Variants in PDE8A observed in about 807,000 individuals in gnomAD.
The protein encoded by PDE8A is phosphodiesterase 8A.
In PDE8A, 59 loss-of-function variants were observed where a neutral mutation model predicts 105.0. That is an observed-to-expected ratio of 0.56 (90% CI 0.46 to 0.70). The LOEUF (loss-of-function observed/expected upper bound fraction) is 0.70, where lower values mean the gene tolerates loss of function less well. Ranked by LOEUF, PDE8A falls within the 30% of genes least tolerant of loss-of-function variation. PDE8A has a pLI of 0.00. For missense variants in PDE8A, 1,014 were observed against 1,045.9 expected (o/e 0.97, Z 0.42); for synonymous variants, 355 against 371.9 (o/e 0.95, Z 0.52).
intron 1 of PDE8A, among the ~76,000 whole-genome samples, chr15:85,012,412 A>G (rs970065325): frequency 6.6e-6 from 1 of 152,110 alleles, no homozygotes; most frequent in Non-Finnish European, 1.5e-5. Flanking sequence ...CCTGGATGAA[A>G]TTGGAAATCA....
intron 1 of PDE8A, among the ~76,000 whole-genome samples, chr15:85,037,191 A>G (rs1404885944): frequency 6.6e-6 from 1 of 151,148 alleles, no homozygotes; most frequent in Admixed American, 6.6e-5. Flanking sequence ...TCAGCCTCCC[A>G]AGTAGCTGGG....
At chr15:85,038,220 T>G (rs1337647135) in intron 1 of PDE8A, among the ~76,000 whole-genome samples, 2 of 11,930 alleles carry the variant, frequency 1.7e-4, no homozygotes, top group Non-Finnish European at 4.9e-4. Context: ...TTGGGGGGTG[T>G]GTGTGTGTGT....
At chr15:85,114,992 G>A (rs1418316527) in intron 14 of PDE8A, among the ~76,000 whole-genome samples, 1 of 152,142 alleles carries the variant, frequency 6.6e-6, no homozygotes, top group African/African-American at 2.4e-5. Flanking sequence ...TCACTTATGA[G>A]GTGAGAGAGG....
intron 11 of PDE8A, among the ~76,000 whole-genome samples, chr15:85,106,102 G>A (rs1004068823): frequency 6.6e-6 from 1 of 152,108 alleles, no homozygotes; most frequent in Admixed American, 6.5e-5. Flanking sequence ...AGAAATTAAA[G>A]CCTGGTTAGT....
chr15:84,991,988 C>T (rs1168774273), intron 1 of PDE8A, among the ~76,000 whole-genome samples: 1 of 151,150 alleles, frequency 6.6e-6, no homozygotes, highest in Non-Finnish European at 1.5e-5. Context: ...TCTCTAACAA[C>T]AAAAAAAAGA....
chr15:85,064,984 G>GA (rs910078101), intron 2 of PDE8A, among the ~76,000 whole-genome samples: 2 of 151,180 alleles, frequency 1.3e-5, no homozygotes, highest in Admixed American at 6.6e-5. Context: ...ACAAACAAAA[G>GA]AAAAAAAATT....
intron 1 of PDE8A, among the ~76,000 whole-genome samples, chr15:85,030,869 TCA>T (rs1177854110): frequency 6.6e-6 from 1 of 152,242 alleles, no homozygotes; most frequent in East Asian, 1.9e-4. Context: ...TACTTTTCAG[TCA>T]CACTCTCTAC....
chr15:85,053,643 C>G (rs2081011527), intron 1 of PDE8A, among the ~76,000 whole-genome samples: 1 of 152,182 alleles, frequency 6.6e-6, no homozygotes, highest in Non-Finnish European at 1.5e-5. Context: ...TATAGGAATG[C>G]TTGTGATTTT....
At chr15:85,034,593 A>T (rs1242122288) in intron 1 of PDE8A, among the ~76,000 whole-genome samples, 1 of 152,234 alleles carries the variant, frequency 6.6e-6, no homozygotes, top group Non-Finnish European at 1.5e-5. Flanking sequence ...TAAAGCTGAC[A>T]ATGAACTAAT....
intron 1 of PDE8A, among the ~76,000 whole-genome samples, chr15:85,058,996 T>C (rs191909994): frequency 3.3e-5 from 5 of 152,336 alleles, no homozygotes; most frequent in Admixed American, 3.3e-4. Flanking sequence ...ATTTGAGATC[T>C]TATTTTCTAG....
chr15:85,076,693 T>C (rs761259421), intron 4 of PDE8A, 40 bp from the exon 5 acceptor site: 2 of 1,294,866 alleles, frequency 1.5e-6, no homozygotes, highest in Non-Finnish European at 2.2e-6. Flanking sequence ...ATGTAATTGA[T>C]AAAAACTATG....
upstream of PDE8A, chr15:84,980,785 G>C (rs1458564433): frequency 6.6e-6 from 1 of 152,356 alleles, no homozygotes; most frequent in Admixed American, 6.5e-5. Context: ...CCCTTCCCCT[G>C]GCTCTGCCTT....
chr15:85,028,541 T>A (rs1043616150), intron 1 of PDE8A, among the ~76,000 whole-genome samples: 7 of 152,138 alleles, frequency 4.6e-5, no homozygotes, highest in Admixed American at 4.6e-4. Flanking sequence ...AAACAAAAAA[T>A]TTTTGTGCTG....
At chr15:85,108,992 ACCTT>A in intron 11 of PDE8A, 57 bp from the exon 12 acceptor site, 1 of 1,186,644 alleles carries the variant, frequency 8.4e-7, no homozygotes, top group South Asian at 1.4e-5. Flanking sequence ...TAGATTGGTA[ACCTT>A]CCTTAATATG....
intron 1 of PDE8A, among the ~76,000 whole-genome samples, chr15:84,983,932 C>T (rs750105458): frequency 3.1e-4 from 47 of 152,164 alleles, no homozygotes; most frequent in Non-Finnish European, 1.3e-4. Context: ...CCGTTAGGTC[C>T]CTGAGTTTTT....
At chr15:85,088,950 C>A (rs1296746985) in intron 6 of PDE8A, among the ~76,000 whole-genome samples, 1 of 152,120 alleles carries the variant, frequency 6.6e-6, no homozygotes, top group Non-Finnish European at 1.5e-5. Context: ...CTTTGCCAGG[C>A]TCTGTGCAGT....
chr15:84,985,977 C>T (rs1396817146), intron 1 of PDE8A, among the ~76,000 whole-genome samples: 5 of 152,146 alleles, frequency 3.3e-5, no homozygotes, highest in Non-Finnish European at 5.9e-5. Flanking sequence ...ATAGTCCCAG[C>T]ACTTTGGGAG....
At chr15:85,044,976 C>T (rs2080864713) in intron 1 of PDE8A, among the ~76,000 whole-genome samples, 1 of 151,914 alleles carries the variant, frequency 6.6e-6, no homozygotes, top group African/African-American at 2.4e-5. Flanking sequence ...TGTATGGCCC[C>T]TGCTTAGCTG....
At chr15:85,094,396 A>G (rs961478713) in intron 8 of PDE8A, among the ~76,000 whole-genome samples, 1 of 152,154 alleles carries the variant, frequency 6.6e-6, no homozygotes, top group Non-Finnish European at 1.5e-5. Flanking sequence ...CAGATTTACC[A>G]GAACTCTGGC....
Sources: gnomAD v4.1 joint callset for allele counts (sites outside exome capture counted in the v4.1 genomes callset) on GRCh38, gnomAD v4.1.1 for gene constraint, MANE v1.5 for transcripts, NCBI Gene and HGNC (gene_info 2026-07-23, HGNC 2026-07-21) for gene names.